Variants in RNF212 observed in about 807,000 individuals in gnomAD.
RNF212 encodes probable E3 SUMO-protein ligase RNF212.
In RNF212, 33 loss-of-function variants were observed where a neutral mutation model predicts 34.7. The observed-to-expected ratio is 0.95, with a 90% CI of 0.72 to 1.27. The LOEUF (loss-of-function observed/expected upper bound fraction) is 1.27. Among genes scored for constraint, RNF212 ranks in the 50% most tolerant of loss-of-function variants. The pLI is 0.00. For missense variants in RNF212, 377 were observed against 362.2 expected (o/e 1.04, Z -0.33); for synonymous variants, 140 against 136.1 (o/e 1.03, Z -0.20).
intron 8 of RNF212, among the ~76,000 whole-genome samples, chr4:1,074,463 C>T (rs1189855107): frequency 6.6e-6 from 1 of 152,214 alleles, no homozygotes; most frequent in Non-Finnish European, 1.5e-5. Flanking sequence ...AGCCACCCCA[C>T]AGATCCTTTA....
intron 2 of RNF212, among the ~76,000 whole-genome samples, chr4:1,104,565 C>T (rs1415932783): frequency 6.6e-6 from 1 of 152,156 alleles, no homozygotes; most frequent in Non-Finnish European, 1.5e-5. Context: ...AGAATGAGTA[C>T]AGCCAGGTGC....
chr4:1,072,658 G>T lies in RNF212; in HGVS notation c.*216C>A. 1 of 1,126,212 alleles carries T rather than the reference G, an allele frequency of 8.9e-7. No individual in the cohort carries two copies. The highest frequency in any genetic ancestry group is 1.1e-6 in the Non-Finnish European group (1 of 886,102). The allele number at this position is 1,126,212 out of a possible 1,614,324, so 69.8% of individuals were successfully genotyped here. On this transcript the variant is annotated 3_prime_UTR_variant, in exon 10 of 10. Transcript: ENST00000433731. ...AAGCATGAGAACCTATAAAATAAAA[G>T]GGATAATAACAATATATATGAGTAC...
chr4:1,099,719 G>A (rs1254544774), intron 2 of RNF212: 8 of 456,278 alleles, frequency 1.8e-5, no homozygotes, highest in South Asian at 1.1e-4. Context: ...ATCTCACAGC[G>A]TGACTGAAGG....
At chr4:1,082,151 A>G (rs1242513058) in intron 5 of RNF212, among the ~76,000 whole-genome samples, 1 of 152,162 alleles carries the variant, frequency 6.6e-6, no homozygotes, top group African/African-American at 2.4e-5. Flanking sequence ...GGGAAAGGGA[A>G]AGGAAAGAAA....
At chr4:1,101,179 G>A (rs903454274) in intron 2 of RNF212, 12 of 222,042 alleles carry the variant, frequency 5.4e-5, no homozygotes, top group Admixed American at 1.3e-4. Flanking sequence ...CTAGACCCAC[G>A]GGCCTAACGA....
At chr4:1,079,044 A>G (rs1193837006) in intron 8 of RNF212, among the ~76,000 whole-genome samples, 2 of 150,442 alleles carry the variant, frequency 1.3e-5, no homozygotes, top group African/African-American at 2.5e-5. Flanking sequence ...GGACCAACAT[A>G]GAGTCAACAC....
At chr4:1,060,854 G>A (rs970559728) in intron 3 of RNF212, among the ~76,000 whole-genome samples, 3 of 152,126 alleles carry the variant, frequency 2.0e-5, no homozygotes, top group African/African-American at 4.8e-5. Context: ...CAGATGGCCC[G>A]CCTGCCACTC....
At chr4:1,079,421 G>C (rs1437144998) in intron 8 of RNF212, among the ~76,000 whole-genome samples, 2 of 152,256 alleles carry the variant, frequency 1.3e-5, no homozygotes, top group Non-Finnish European at 1.5e-5. Context: ...TTCTCCAGAT[G>C]CAACTGCAGT....
At chr4:1,074,482 G>A (rs1718955725) in intron 8 of RNF212, among the ~76,000 whole-genome samples, 1 of 152,088 alleles carries the variant, frequency 6.6e-6, no homozygotes. Context: ...TAATCCACAG[G>A]CCCTTCCAGT....
Position 1,109,630 on chromosome 4 carries a change from G to A in RNF212, c.110-1226C>T, listed in dbSNP as rs561602713. The stretch of plus-strand genomic sequence containing the variant: ...ATCCTGCTTTTCCTGGGTATTTTCT[G>A]CCCCATTCCCCATGGGGCTGCTCAA... On this transcript the variant is annotated intron_variant, in intron 1 of 9. Coordinates refer to ENST00000433731, the MANE Select transcript of RNF212 (RefSeq NM_001131034.4). 4.6e-5 allele frequency among the ~76,000 whole-genome samples: 7 copies of A among 152,256 alleles called. No homozygotes were observed. In the East Asian group the frequency reaches 1.2e-3, roughly 25 times the overall value.
At chr4:1,092,769 T>C (rs1016450544) in intron 3 of RNF212, among the ~76,000 whole-genome samples, 15 of 152,326 alleles carry the variant, frequency 9.8e-5, no homozygotes, top group Admixed American at 2.6e-4. Context: ...TGCTCACGCG[T>C]GCTTTGCCCG....
At chr4:1,088,613 T>C (rs1012011008) in intron 4 of RNF212, among the ~76,000 whole-genome samples, 43 of 152,326 alleles carry the variant, frequency 2.8e-4, no homozygotes, top group African/African-American at 8.2e-4. Flanking sequence ...GCCAGGACGG[T>C]GGAGAAAATG....
At chr4:1,099,141 T>G (rs930281989) in intron 2 of RNF212, among the ~76,000 whole-genome samples, 7 of 152,142 alleles carry the variant, frequency 4.6e-5, no homozygotes, top group Admixed American at 4.6e-4. Context: ...CAGCCATTCC[T>G]CCACCCCGGC....
intron 8 of RNF212, among the ~76,000 whole-genome samples, chr4:1,078,835 GGGACCAACACA>G (rs1215627031): frequency 1.4e-4 from 19 of 131,944 alleles, no homozygotes; most frequent in East Asian, 2.3e-4. Flanking sequence ...GGACCAACAC[GGGACCAACACA>G]GGACCAACAT....
intron 8 of RNF212, among the ~76,000 whole-genome samples, chr4:1,078,543 C>T (rs1719713516): frequency 2.0e-5 from 3 of 152,354 alleles, no homozygotes; most frequent in African/African-American, 7.2e-5. Context: ...TTCCCAGAGT[C>T]CTTGGCTTTT....
chr4:1,081,464 T>G lies in RNF212; in HGVS notation c.419A>C (p.Lys140Thr). The G allele has an allele frequency of 6.2e-7, 1 of 1,613,802 alleles. No individual in the cohort carries two copies. The highest frequency in any genetic ancestry group is 1.7e-5 in the Admixed American group (1 of 59,996). ...FSTIKSSVSTKPHGCLLPPHS... is the reference protein window; with the variant it reads ...FSTIKSSVSTTPHGCLLPPHS... ...AGGTGGCAGCAGGCATCCGTGTGGTTTTGCTGGAAGAGTGATGACGAAAAT... is the reference window on the plus strand; with the variant it reads ...AGGTGGCAGCAGGCATCCGTGTGGTGTTGCTGGAAGAGTGATGACGAAAAT... The change falls in exon 7 of 10, where the codon AAA (lysine) becomes ACA (threonine). Residue 140 changes from lysine to threonine, a missense_variant. By Grantham distance (78) the Lys-to-Thr change is moderately conservative. Transcript: ENST00000433731.
chr4:1,107,050 G>A (rs1224524087), intron 2 of RNF212, among the ~76,000 whole-genome samples: 1 of 151,872 alleles, frequency 6.6e-6, no homozygotes, highest in African/African-American at 2.4e-5. Context: ...CAACTGAGAA[G>A]ATACCATTTT....
Position 1,094,630 on chromosome 4 carries a change from G to C in RNF212, c.246+2135C>G, listed in dbSNP as rs115219588. Among the ~76,000 whole-genome samples, 1,368 of 152,306 alleles carry C rather than the reference G, an allele frequency of 9.0e-3. 18 individuals are homozygous for C. Among genetic ancestry groups the C allele is most frequent in the African/African-American group, 0.031 (1,273 of 41,558 alleles). On this transcript the variant is annotated intron_variant, in intron 3 of 9. Transcript: ENST00000433731. ...ACAGCAGGGGCTCAGCTGCCAGAAG[G>C]GGGGCCCACGGAGCCAGCATTGCCA...
chr4:1,085,743 A>G, intron 5 of RNF212, 153 bp downstream of exon 5: 1 of 651,648 alleles, frequency 1.5e-6, no homozygotes, highest in Non-Finnish European at 2.8e-6. Context: ...TTCCCACAGC[A>G]TTTTTGCTCT....
Sources: allele counts gnomAD v4.1 joint callset (sites outside exome capture counted in the v4.1 genomes callset), GRCh38; gene constraint gnomAD v4.1.1; transcripts MANE v1.5; gene names NCBI Gene and HGNC (gene_info 2026-07-23, HGNC 2026-07-21).